The following RAG1 variants were observed in gnomAD, a reference collection of about 807,000 sequenced individuals.
The protein encoded by RAG1 is V(D)J recombination-activating protein 1.
Under a neutral mutation model 62.7 loss-of-function variants are expected in RAG1, and 35 were observed. The observed-to-expected ratio is 0.56, with a 90% CI of 0.43 to 0.74. RAG1 has a LOEUF of 0.74. Among genes scored for constraint, RAG1 ranks in the 30% least tolerant of loss-of-function variants. The pLI is 0.00. For synonymous variants in RAG1, 461 were observed against 470.3 expected (o/e 0.98, Z 0.26); for missense variants, 1,169 against 1,278.6 (o/e 0.91, Z 1.31).
rs183364613 is a variant in RAG1, at chr11:36,529,034, C to T, written n.429-6925C>T. On this transcript the variant is annotated intron_variant and non_coding_transcript_variant, in intron 2 of 2. Transcript: ENST00000529126. Reference sequence around the variant, plus strand: ...TCAACCAAAAAAGTCCAGGACCGGACGGATTCACAGCCAAATTCTACCAGA... The same window carrying T: ...TCAACCAAAAAAGTCCAGGACCGGATGGATTCACAGCCAAATTCTACCAGA... 4.1e-3 allele frequency among the ~76,000 whole-genome samples: 619 copies of T among 152,196 alleles called. 3 individuals carry two copies. The highest frequency in any genetic ancestry group is 0.015 in the South Asian group (71 of 4,820).
intron 3 of RAG1, among the ~76,000 whole-genome samples, chr11:36,544,463 C>G (rs1850362752): frequency 6.6e-6 from 1 of 152,158 alleles, no homozygotes; most frequent in Admixed American, 6.5e-5. Context: ...TCTCTCTAGT[C>G]TAGTTCCCCT....
chr11:36,516,654 C>A (rs1177833185), intron 1 of RAG1, among the ~76,000 whole-genome samples: 1 of 152,214 alleles, frequency 6.6e-6, no homozygotes, highest in African/African-American at 2.4e-5. Context: ...AGCTAAAAGT[C>A]AGATTAATTC....
intron 2 of RAG1, among the ~76,000 whole-genome samples, chr11:36,526,457 A>T (rs1448790914): frequency 6.6e-6 from 1 of 152,098 alleles, no homozygotes; most frequent in African/African-American, 2.4e-5. Context: ...TATATGTGCC[A>T]CATTTTCTTT....
In RAG1 at chr11:36,575,894, G is replaced by T. The variant is rs1204195346; in HGVS notation, c.2590G>T (p.Glu864Ter). 6.2e-7 allele frequency: 1 copy of T among 1,614,022 alleles called. No individual in the cohort carries two copies. Among genetic ancestry groups the T allele is most frequent in the East Asian group, 2.2e-5 (1 of 44,892 alleles). The stretch of plus-strand genomic sequence containing the variant: ...CTTTGCCAGGAAGCTCATGACCAAA[G>T]AGACTGTGGATGCAGTTTGTGAGTT... The part of the protein sequence containing the change: ...GNFARKLMTK[E>*]TVDAVCELIP... The change falls in exon 2 of 2, where the codon GAG (glutamate) becomes TAG (stop). Residue 864 changes from glutamate to a stop codon, truncating the protein, a stop_gained. Coordinates refer to ENST00000299440, the MANE Select transcript of RAG1 (RefSeq NM_000448.3). LOFTEE classifies it high-confidence loss of function. The surrounding 1 kb of genome is among the most constrained non-coding windows in gnomAD (Gnocchi z 4.1).
At chr11:36,532,081 G>T (rs1860264953) in intron 2 of RAG1, among the ~76,000 whole-genome samples, 1 of 151,558 alleles carries the variant, frequency 6.6e-6, no homozygotes, top group Non-Finnish European at 1.5e-5. Flanking sequence ...GATATTTCAT[G>T]TTTTTATTGC....
chr11:36,563,089 A>G (rs1850613604), upstream of RAG1, among the ~76,000 whole-genome samples: 1 of 152,180 alleles, frequency 6.6e-6, no homozygotes, highest in African/African-American at 2.4e-5. Context: ...ACCCACTCTA[A>G]TGACCCCATC....
chr11:36,514,832 C>A (rs1859974673), intron 1 of RAG1, among the ~76,000 whole-genome samples: 1 of 152,216 alleles, frequency 6.6e-6, no homozygotes, highest in African/African-American at 2.4e-5. Flanking sequence ...CCTCACTCAC[C>A]ACTCATCTGT....
chr11:36,563,548 T>G (rs1379730793), upstream of RAG1: 1 of 152,184 alleles, frequency 6.6e-6, no homozygotes, highest in Non-Finnish European at 1.5e-5. Flanking sequence ...CAGATTTTTT[T>G]ACAAAAATAA....
At chr11:36,523,091 G>A (rs1029063622) in intron 2 of RAG1, among the ~76,000 whole-genome samples, 1 of 152,136 alleles carries the variant, frequency 6.6e-6, no homozygotes, top group African/African-American at 2.4e-5. Flanking sequence ...GAGACTTAGG[G>A]GGACTATTGG....
At chr11:36,538,083 C>A (rs887218232), downstream of RAG1, among the ~76,000 whole-genome samples, 1 of 152,032 alleles carries the variant, frequency 6.6e-6, no homozygotes, top group Non-Finnish European at 1.5e-5. Context: ...CTTATAGGAA[C>A]AAAAGTAAAA....
At chr11:36,511,390 G>T (rs566148746) in intron 1 of RAG1, among the ~76,000 whole-genome samples, 1 of 152,278 alleles carries the variant, frequency 6.6e-6, no homozygotes, top group Non-Finnish European at 1.5e-5. Context: ...GGCAGTCAAG[G>T]CTACAGTAAG....
At chr11:36,546,448 CTTTAT>C (rs748337338) in intron 3 of RAG1, among the ~76,000 whole-genome samples, 6 of 152,094 alleles carry the variant, frequency 3.9e-5, no homozygotes, top group Non-Finnish European at 8.8e-5. Context: ...TCCTCCATCC[CTTTAT>C]TTTGAGTCTA....
At chr11:36,519,813 C>T (rs910226808) in intron 1 of RAG1, among the ~76,000 whole-genome samples, 1 of 152,122 alleles carries the variant, frequency 6.6e-6, no homozygotes, top group Non-Finnish European at 1.5e-5. Context: ...TCCACGCCCT[C>T]CCACCAACCC....
chr11:36,525,409 A>T (rs1860145159), intron 2 of RAG1, among the ~76,000 whole-genome samples: 1 of 152,144 alleles, frequency 6.6e-6, no homozygotes, highest in Non-Finnish European at 1.5e-5. Context: ...TTTTAGAATA[A>T]TATTGTCAAT....
chr11:36,540,797 C>G (rs1313842927), downstream of RAG1, among the ~76,000 whole-genome samples: 1 of 152,194 alleles, frequency 6.6e-6, no homozygotes, highest in South Asian at 2.1e-4. Context: ...ATGGTCCGAA[C>G]TGTGGTTCTT....
chr11:36,550,242 TC>T (rs1850463437), intron 3 of RAG1, among the ~76,000 whole-genome samples: 3 of 151,838 alleles, frequency 2.0e-5, no homozygotes, highest in Admixed American at 2.0e-4. Context: ...TGCACATGTA[TC>T]CCAGAACTTA....
downstream of RAG1, among the ~76,000 whole-genome samples, chr11:36,538,046 C>A (rs144465844): frequency 9.9e-4 from 151 of 152,174 alleles, no homozygotes; most frequent in African/African-American, 3.0e-3. Flanking sequence ...CTTACCAAGG[C>A]CCTTACTTGT....
At chr11:36,535,631 C>A (rs1314138208) in intron 2 of RAG1, among the ~76,000 whole-genome samples, 4 of 152,080 alleles carry the variant, frequency 2.6e-5, no homozygotes, top group Non-Finnish European at 2.9e-5. Context: ...GTAATCCCAG[C>A]TACTCAGGAG....
chr11:36,522,022 C>G (rs996270560), intron 2 of RAG1, among the ~76,000 whole-genome samples: 2 of 151,270 alleles, frequency 1.3e-5, no homozygotes, highest in Non-Finnish European at 2.9e-5. Flanking sequence ...ATAAGGGAAG[C>G]AGAGCATAAA....
Sources: gnomAD v4.1 joint callset for allele counts (sites outside exome capture counted in the v4.1 genomes callset) on GRCh38, gnomAD v4.1.1 for gene constraint, Gnocchi (gnomAD v3.1) non-coding constraint, MANE v1.5 for transcripts, NCBI Gene and HGNC (gene_info 2026-07-23, HGNC 2026-07-21) for gene names.